Variants in CRPPA observed in about 807,000 individuals in gnomAD.
CRPPA encodes the protein CDP-L-ribitol pyrophosphorylase A, also known as D-ribitol-5-phosphate cytidylyltransferase.
A neutral mutation model predicts 52.0 loss-of-function variants in CRPPA; 43 were observed. The ratio of observed to expected loss-of-function variants is 0.83; its 90% CI spans 0.65 to 1.07. The LOEUF (loss-of-function observed/expected upper bound fraction) is 1.07. Among genes scored for constraint, CRPPA ranks in the 50% least tolerant of loss-of-function variants. The probability of loss-of-function intolerance (pLI) is 0.00; values close to 1 mark genes in which losing one functional copy is unlikely to be tolerated. For synonymous variants in CRPPA, 250 were observed against 203.5 expected (o/e 1.23, Z -1.94); for missense variants, 629 against 551.7 (o/e 1.14, Z -1.40).
chr7:16,403,751 T>A (rs1441097956), intron 2 of CRPPA, among the ~76,000 whole-genome samples: 2 of 152,294 alleles, frequency 1.3e-5, no homozygotes, highest in East Asian at 3.9e-4. Flanking sequence ...TCCTAATTGT[T>A]TTAAGAAAAT....
At chr7:16,332,309 C>T (rs145889810) in intron 3 of CRPPA, among the ~76,000 whole-genome samples, 212 of 152,024 alleles carry the variant, frequency 1.4e-3, no homozygotes, top group African/African-American at 4.2e-3. Flanking sequence ...TTAAAAGGAG[C>T]TATTTAGAGG....
At chr7:16,124,682 T>C (rs1782541832) in intron 9 of CRPPA, among the ~76,000 whole-genome samples, 1 of 152,130 alleles carries the variant, frequency 6.6e-6, no homozygotes, top group Non-Finnish European at 1.5e-5. Flanking sequence ...TAATCTATTG[T>C]ATATTTTCAA....
At chr7:16,378,650 G>A (rs1358401383) in intron 2 of CRPPA, among the ~76,000 whole-genome samples, 3 of 151,444 alleles carry the variant, frequency 2.0e-5, no homozygotes, top group Non-Finnish European at 2.9e-5. Flanking sequence ...TGGGTCAAAT[G>A]GTATTTCTAG....
intron 5 of CRPPA, among the ~76,000 whole-genome samples, chr7:16,289,251 T>G (rs1784511729): frequency 6.6e-6 from 1 of 152,048 alleles, no homozygotes; most frequent in African/African-American, 2.4e-5. Context: ...ACCAGATAGA[T>G]TCACTGTCGA....
intron 3 of CRPPA, among the ~76,000 whole-genome samples, chr7:16,333,391 T>C (rs1785603431): frequency 6.6e-6 from 1 of 151,786 alleles, no homozygotes; most frequent in African/African-American, 2.4e-5. Context: ...CTTTAACAAG[T>C]TTAAAAGAAC....
chr7:16,395,095 G>A (rs1787536514), intron 2 of CRPPA, among the ~76,000 whole-genome samples: 1 of 152,142 alleles, frequency 6.6e-6, no homozygotes, highest in African/African-American at 2.4e-5. Flanking sequence ...GCTTGTTGTA[G>A]GAGGCATCAT....
chr7:16,264,787 T>G (rs192963809), intron 6 of CRPPA, among the ~76,000 whole-genome samples: 1 of 152,234 alleles, frequency 6.6e-6, no homozygotes, highest in Non-Finnish European at 1.5e-5. Context: ...TTTCTAGCAT[T>G]CAGCATTTAC....
chr7:16,196,900 T>C (rs1781749626), intron 9 of CRPPA, among the ~76,000 whole-genome samples: 1 of 152,032 alleles, frequency 6.6e-6, no homozygotes, highest in Admixed American at 6.6e-5. Context: ...CCTAATGAGG[T>C]ATATTATTTT....
intron 5 of CRPPA, among the ~76,000 whole-genome samples, chr7:16,298,337 G>A (rs1784716581): frequency 6.6e-6 from 1 of 151,944 alleles, no homozygotes; most frequent in Non-Finnish European, 1.5e-5. Flanking sequence ...TTAAGGGAGG[G>A]AAAAAAAGGA....
At chr7:16,185,150 G>T (rs1781481802) in intron 9 of CRPPA, among the ~76,000 whole-genome samples, 1 of 152,224 alleles carries the variant, frequency 6.6e-6, no homozygotes, top group Non-Finnish European at 1.5e-5. Flanking sequence ...TGGACTTACA[G>T]TTCCACATGG....
chr7:16,123,282 GTCTAATGTGTTGCTAA>G (rs1278381758), intron 9 of CRPPA, among the ~76,000 whole-genome samples: 1 of 151,932 alleles, frequency 6.6e-6, no homozygotes, highest in East Asian at 1.9e-4. Flanking sequence ...ATTTCCTTAG[GTCTAATGTGTTGCTAA>G]TTTCCAGGGT....
At chr7:16,364,261 T>A (rs934983016) in intron 3 of CRPPA, among the ~76,000 whole-genome samples, 1 of 152,214 alleles carries the variant, frequency 6.6e-6, no homozygotes, top group South Asian at 2.1e-4. Flanking sequence ...CTAAAAGCAC[T>A]GGACACAAAA....
At position 16,421,101 on chromosome 7, in the gene CRPPA, C is replaced by T. The variant is rs769058832; in HGVS notation, c.222G>A (p.Arg74=). The T allele has an allele frequency of 2.9e-4, 371 of 1,300,796 alleles. 1 individual carries two copies. Among genetic ancestry groups the T allele is most frequent in the Non-Finnish European group, 1.1e-5 (11 of 1,017,490 alleles). The allele number at this position is 1,300,796 out of a possible 1,614,324, so 80.6% of individuals were successfully genotyped here. A position where few individuals can be genotyped will look rare whatever the true frequency, so the allele number is the denominator to read the frequency against. Reference sequence around the variant, plus strand: ...CCTGTAGGGTGTAGCTGATGAGCGGCCTCTCCAGGATGGGGCAGAATTGCT... The same window carrying T: ...CCTGTAGGGTGTAGCTGATGAGCGGTCTCTCCAGGATGGGGCAGAATTGCT... ...TPKQFCPILE[R]PLISYTLQAL... Residue 74 remains arginine, a synonymous_variant, in exon 1 of 10, where the codon AGG becomes AGA. Transcript: ENST00000407010.
At chr7:16,297,819 C>T (rs1784706041) in intron 5 of CRPPA, among the ~76,000 whole-genome samples, 1 of 152,156 alleles carries the variant, frequency 6.6e-6, no homozygotes, top group Non-Finnish European at 1.5e-5. Context: ...GGAACTCTAC[C>T]ACTGGCTTTC....
In CRPPA at chr7:16,345,566, A is replaced by G. The variant is rs74762124; in HGVS notation, c.684+30526T>C. On this transcript the variant is annotated intron_variant, in intron 3 of 9. Transcript: ENST00000407010. ...GGTAAACAGTGTATAAATATGCAAT[A>G]TATGTGACAACACAGCACACAGGAA... Among the ~76,000 whole-genome samples the G allele has an allele frequency of 5.9e-4, 90 of 152,326 alleles. 3 individuals are homozygous for G. The East Asian group carries it at 0.017, about 29-fold the overall frequency.
intron 3 of CRPPA, among the ~76,000 whole-genome samples, chr7:16,333,131 T>C (rs59866961): frequency 0.47 from 71,711 of 151,882 alleles, 17,144 homozygotes; most frequent in African/African-American, 0.52. Context: ...AACTGATAGA[T>C]GTGTAAAATA....
At chr7:16,183,153 G>GA (rs941431429) in intron 9 of CRPPA, among the ~76,000 whole-genome samples, 6 of 151,650 alleles carry the variant, frequency 4.0e-5, no homozygotes, top group Middle Eastern at 3.4e-3. Context: ...AAGTGGTAGA[G>GA]AAAAAAAACA....
intron 9 of CRPPA, among the ~76,000 whole-genome samples, chr7:16,212,612 A>G (rs1782180660): frequency 6.6e-6 from 1 of 152,224 alleles, no homozygotes; most frequent in South Asian, 2.1e-4. Flanking sequence ...GAAAGGAAAG[A>G]AAAACCAGGC....
At chr7:16,323,335 G>C (rs1418117553) in intron 3 of CRPPA, among the ~76,000 whole-genome samples, 1 of 152,042 alleles carries the variant, frequency 6.6e-6, no homozygotes, top group Non-Finnish European at 1.5e-5. Flanking sequence ...TCCCTACTAA[G>C]GGGTAAAATA....
Sources: gnomAD v4.1 joint callset for allele counts (sites outside exome capture counted in the v4.1 genomes callset) on GRCh38, gnomAD v4.1.1 for gene constraint, MANE v1.5 for transcripts, NCBI Gene and HGNC (gene_info 2026-07-23, HGNC 2026-07-21) for gene names.